The following PNLDC1 variants were observed in gnomAD, a reference collection of about 807,000 sequenced individuals.
PNLDC1 encodes the protein poly(A)-specific ribonuclease PNLDC1.
Under a neutral mutation model 82.0 loss-of-function variants are expected in PNLDC1, and 70 were observed. The ratio of observed to expected loss-of-function variants is 0.85; its 90% CI spans 0.70 to 1.04. The LOEUF is 1.04. PNLDC1 is among the 50% of genes least tolerant of loss of function. PNLDC1 has a pLI of 0.00. For missense variants in PNLDC1, 631 were observed against 661.1 expected (o/e 0.95, Z 0.50); for synonymous variants, 280 against 249.3 (o/e 1.12, Z -1.16).
rs968735540 is a variant in PNLDC1 at position 159,800,556 on chromosome 6, C to T, written c.76+173C>T. 3.7e-6 allele frequency: 5 copies of T among 1,368,456 alleles called. No individual in the cohort carries two copies. The African/African-American group carries it at 5.7e-5, about 16-fold the overall frequency. 84.8% of individuals were successfully genotyped at this position (1,368,456 alleles called of 1,614,324 possible). A position where few individuals can be genotyped will look rare whatever the true frequency, so the allele number is the denominator to read the frequency against. On this transcript the variant is annotated intron_variant, in intron 1 of 18. Transcript: ENST00000392167. ...GCGGTGGGACTTTGAGCAGCAAGTA[C>T]ACTCCGAGCCCCACGTCCCTTGTTG... is the stretch of plus-strand genomic sequence containing the variant.
rs1781961218 is a variant in PNLDC1 at position 159,819,406 on chromosome 6, G to GTCCCAGCA, written c.1532+64_1532+71dup. 11 of 1,494,042 alleles carry GTCCCAGCA rather than the reference G, an allele frequency of 7.4e-6. No homozygotes were observed. The highest frequency in any genetic ancestry group is 1.8e-4 in the Middle Eastern group (1 of 5,618). The allele number at this position is 1,494,042 out of a possible 1,614,324, so 92.5% of individuals were successfully genotyped here. A position where few individuals can be genotyped will look rare whatever the true frequency, so the allele number is the denominator to read the frequency against. ...GTCCTGGGGTCCTGGAGTGCCCGGG[G>GTCCCAGCA]TCCCAGCATCCCAGCATGGTCTGAC... On this transcript the variant is annotated intron_variant, in intron 18 of 18. Coordinates refer to ENST00000392167, the MANE Select transcript of PNLDC1 (RefSeq NM_001271862.2). This position sits in a 1 kb window ranked among gnomAD's most constrained non-coding sequence, Gnocchi z 4.6.
rs1562508052 is a variant in PNLDC1 at position 159,819,020 on chromosome 6, C to T, written c.1332C>T (p.Val444=). 1.2e-6 allele frequency: 2 copies of T among 1,614,042 alleles called. No homozygotes were observed. The highest frequency in any genetic ancestry group is 1.7e-6 in the Non-Finnish European group (2 of 1,180,004). Residue 444 remains valine, a synonymous_variant, in exon 17 of 19, where the codon GTC becomes GTT. Transcript: ENST00000392167. The surrounding 1 kb of genome is among the most constrained non-coding windows in gnomAD (Gnocchi z 4.6). ...TCAGCGTCAAAAGGTGGCCTGGGGTCAGCGAGCAGCAAGTCTACCATAAGT... is the reference window on the plus strand; with the variant it reads ...TCAGCGTCAAAAGGTGGCCTGGGGTTAGCGAGCAGCAAGTCTACCATAAGT... The part of the protein sequence containing the change: ...LILSVKRWPG[V]SEQQVYHKFQ...
In PNLDC1 at chr6:159,819,394, G is replaced by A. The variant is rs758347233; in HGVS notation, c.1532+42G>A. 10 of 1,559,256 alleles carry A rather than the reference G, an allele frequency of 6.4e-6. No individual in the cohort carries two copies. Among genetic ancestry groups the A allele is most frequent in the Non-Finnish European group, 8.8e-6 (10 of 1,139,288 alleles). On this transcript the variant is annotated intron_variant, in intron 18 of 18. Coordinates refer to ENST00000392167, the MANE Select transcript of PNLDC1 (RefSeq NM_001271862.2). The surrounding 1 kb of genome is among the most constrained non-coding windows in gnomAD (Gnocchi z 4.6). ...GGCCACCTGCCTGTCCTGGGGTCCTGGAGTGCCCGGGGTCCCAGCATCCCA... is the reference window on the plus strand; with the variant it reads ...GGCCACCTGCCTGTCCTGGGGTCCTAGAGTGCCCGGGGTCCCAGCATCCCA...
chr6:159,817,656 C>A (rs1296283593), intron 15 of PNLDC1, among the ~76,000 whole-genome samples: 1 of 152,244 alleles, frequency 6.6e-6, no homozygotes, highest in Admixed American at 6.5e-5. Context: ...TTGATGCCTG[C>A]AGCCCTGGGC....
At chr6:159,806,912 G>A (rs1781469897) in intron 7 of PNLDC1, among the ~76,000 whole-genome samples, 2 of 119,116 alleles carry the variant, frequency 1.7e-5, no homozygotes, top group African/African-American at 3.2e-5. Context: ...TTTTTTTGAA[G>A]ATATAGTTTT....
Position 159,800,379 on chromosome 6 carries a change from C to A in PNLDC1, c.72C>A (p.Phe24Leu). The change falls in exon 1 of 19, where the codon TTC becomes TTA. Residue 24 changes from phenylalanine to leucine, a missense_variant. Coordinates refer to ENST00000392167, the MANE Select transcript of PNLDC1 (RefSeq NM_001271862.2). ...AGGAGCTCGTCCAGGAGGCCGACTT[C>A]GTGGGTGAAGAGCCTGGGATTCGCG... is the stretch of plus-strand genomic sequence containing the variant. ...LLQELVQEAD[F>L]VGLDIEFTGL... 6.5e-7 allele frequency: 1 copy of A among 1,547,960 alleles called. No homozygotes were observed. The highest frequency in any genetic ancestry group is 8.7e-7 in the Non-Finnish European group (1 of 1,146,346).
At chr6:159,800,678 A>C (rs1267506436) in intron 1 of PNLDC1, 94 bp from the exon 2 acceptor site, 1 of 1,613,806 alleles carries the variant, frequency 6.2e-7, no homozygotes, top group Non-Finnish European at 8.5e-7. Flanking sequence ...CGCAGAGGTG[A>C]GCGCGGGTGC....
At chr6:159,800,538 G>T in intron 1 of PNLDC1, 155 bp downstream of exon 1, 1 of 1,328,080 alleles carries the variant, frequency 7.5e-7, no homozygotes, top group Non-Finnish European at 1.0e-6. Flanking sequence ...GGGGCGGTGG[G>T]ACTTTGAGCA....
Position 159,811,765 on chromosome 6 carries a change from T to C in PNLDC1, c.918T>C (p.Ser306=), listed in dbSNP as rs2115045935. The C allele has an allele frequency of 1.2e-6, 2 of 1,611,824 alleles. No homozygotes were observed. The highest frequency in any genetic ancestry group is 1.7e-6 in the Non-Finnish European group (2 of 1,177,988). ...TTCCTGTTCTCATTGATACCAAGAG[T>C]GTAACAAAGGATATCTGGAAGGTAA... ...SLFPVLIDTK[S]VTKDIWKEMN... is the part of the protein sequence containing the mutation. The change falls in exon 11 of 19, where the codon AGT becomes AGC. Residue 306 remains serine (S), a synonymous_variant. Coordinates refer to ENST00000392167, the MANE Select transcript of PNLDC1 (RefSeq NM_001271862.2).
upstream of PNLDC1, among the ~76,000 whole-genome samples, chr6:159,799,729 G>C (rs973909692): frequency 7.9e-5 from 12 of 152,144 alleles, no homozygotes; most frequent in African/African-American, 2.9e-4. Flanking sequence ...TCAATTTAAT[G>C]GGCAGTTCTT....
chr6:159,803,771 G>GC (rs1341071879), intron 4 of PNLDC1, among the ~76,000 whole-genome samples, 194 bp from the exon 5 acceptor site: 1 of 152,096 alleles, frequency 6.6e-6, no homozygotes, highest in East Asian at 1.9e-4. Flanking sequence ...GTATACGCTG[G>GC]CCCTGAAGGC....
chr6:159,803,149 C>T (rs1210581161), intron 3 of PNLDC1, 122 bp from the exon 4 acceptor site: 2 of 733,824 alleles, frequency 2.7e-6, no homozygotes, highest in East Asian at 2.6e-5. Flanking sequence ...AAGATGTTAT[C>T]CTGTTGTACA....
intron 9 of PNLDC1, among the ~76,000 whole-genome samples, chr6:159,809,743 G>A (rs370071429): frequency 1.2e-3 from 185 of 152,292 alleles, no homozygotes; most frequent in South Asian, 2.5e-3. Context: ...ACTGACCTAA[G>A]ACTCTTTGGG....
Position 159,810,049 on chromosome 6 carries a change from G to A in PNLDC1, c.807G>A (p.Met269Ile). The A allele has an allele frequency of 6.2e-7, 1 of 1,614,106 alleles. No individual in the cohort carries two copies. Among genetic ancestry groups the A allele is most frequent in the South Asian group, 1.1e-5 (1 of 91,078 alleles). Reference sequence around the variant, plus strand: ...AGCCCTTAGTGGGACATAATATGATGATGGACCTGCTGCACCTCCATGAGA... The same window carrying A: ...AGCCCTTAGTGGGACATAATATGATAATGGACCTGCTGCACCTCCATGAGA... ...AQKPLVGHNM[M>I]MDLLHLHEKF... is the part of the protein sequence containing the mutation. The change falls in exon 10 of 19, where the codon ATG becomes ATA. Residue 269 changes from methionine to isoleucine, a missense_variant. Coordinates refer to ENST00000392167, the MANE Select transcript of PNLDC1 (RefSeq NM_001271862.2).
intron 3 of PNLDC1, 134 bp downstream of exon 3, chr6:159,801,320 C>A: frequency 1.2e-6 from 1 of 848,874 alleles, no homozygotes; most frequent in Non-Finnish European, 2.0e-6. Flanking sequence ...TGTGTTGGGC[C>A]ATTGTATACA....
At chr6:159,800,516 T>C in intron 1 of PNLDC1, 133 bp downstream of exon 1, 1 of 1,305,618 alleles carries the variant, frequency 7.7e-7, no homozygotes, top group Non-Finnish European at 1.0e-6. Flanking sequence ...GGGGGCTTCC[T>C]TCTCCAGCCC....
In PNLDC1 at chr6:159,819,185, C is replaced by T. The variant is rs1214095133; in HGVS notation, c.1433+64C>T. 13 of 1,609,918 alleles carry T rather than the reference C, an allele frequency of 8.1e-6. No individual in the cohort carries two copies. Among genetic ancestry groups the T allele is most frequent in the African/African-American group, 4.0e-5 (3 of 74,872 alleles). Reference sequence around the variant, plus strand: ...GTTCATCCCTGTATCTCTCTGACTCCACCCGCCTGATCACAGCAGGCGGCG... The same window carrying T: ...GTTCATCCCTGTATCTCTCTGACTCTACCCGCCTGATCACAGCAGGCGGCG... On this transcript the variant is annotated intron_variant, in intron 17 of 18. Coordinates refer to ENST00000392167, the MANE Select transcript of PNLDC1 (RefSeq NM_001271862.2). The surrounding 1 kb of genome is among the most constrained non-coding windows in gnomAD (Gnocchi z 4.6).
Position 159,813,615 on chromosome 6 carries a change from G to A in PNLDC1, c.954G>A (p.Pro318=), listed in dbSNP as rs759032761. The change falls in exon 12 of 19, where the codon CCG becomes CCA. Residue 318 remains proline, a synonymous_variant. Coordinates refer to ENST00000392167, the MANE Select transcript of PNLDC1 (RefSeq NM_001271862.2). ...TKDIWKEMNF[P]RVSNLSEVYE... Reference sequence around the variant, plus strand: ...CATGATTGTAGGAGATGAATTTCCCGAGGGTGTCGAATCTTTCGGAAGTCT... The same window carrying A: ...CATGATTGTAGGAGATGAATTTCCCAAGGGTGTCGAATCTTTCGGAAGTCT... The A allele has an allele frequency of 3.0e-5, 49 of 1,613,210 alleles. No individual in the cohort carries two copies. Among genetic ancestry groups the A allele is most frequent in the East Asian group, 2.0e-4 (9 of 44,886 alleles).
At chr6:159,800,461 G>A (rs1781200491) in intron 1 of PNLDC1, 78 bp downstream of exon 1, 2 of 1,473,472 alleles carry the variant, frequency 1.4e-6, no homozygotes, top group African/African-American at 1.4e-5. Context: ...GTGGCGGGAC[G>A]GTTGCCAGGC....
Sources: allele counts gnomAD v4.1 joint callset (sites outside exome capture counted in the v4.1 genomes callset), GRCh38; gene constraint gnomAD v4.1.1; non-coding constraint Gnocchi (gnomAD v3.1); transcripts MANE v1.5; gene names NCBI Gene and HGNC (gene_info 2026-07-23, HGNC 2026-07-21).